KDM3A: variants seen among roughly 807,000 people sequenced by gnomAD.
KDM3A encodes the protein lysine demethylase 3A.
A neutral mutation model predicts 158.0 loss-of-function variants in KDM3A; 60 were observed. The observed-to-expected ratio is 0.38, with a 90% CI of 0.31 to 0.47. KDM3A has a LOEUF of 0.47. Ranked by LOEUF, KDM3A falls within the 20% of genes least tolerant of loss-of-function variation. The pLI, the probability that KDM3A is intolerant of heterozygous loss-of-function variation, is 0.99. For missense variants in KDM3A, 1,319 were observed against 1,574.3 expected, an observed-to-expected ratio of 0.84 and a Z score of 2.74; for synonymous variants, 608 against 549.3, an observed-to-expected ratio of 1.11 and a Z score of -1.49.
intron 12 of KDM3A, among the ~76,000 whole-genome samples, chr2:86,477,606 T>G (rs1673718395): frequency 6.6e-6 from 1 of 152,078 alleles, no homozygotes; most frequent in South Asian, 2.1e-4. Flanking sequence ...GGGATTCTGC[T>G]TGGAGTTCAT....
At chr2:86,451,055 ATT>A in intron 3 of KDM3A, 46 bp from the exon 4 acceptor site, 1 of 1,286,972 alleles carries the variant, frequency 7.8e-7, no homozygotes, top group Non-Finnish European at 1.1e-6. Flanking sequence ...TATTTTCAGA[ATT>A]ATGCTGACAG....
In KDM3A at chr2:86,483,997, T is replaced by C. The variant is rs1450500738; in HGVS notation, c.2933T>C (p.Val978Ala). ...CTTCTCTTCATTTAGCCAGTGATGGTGTCTGGAGTGCATCATAAATTGAAC... is the reference window on the plus strand; with the variant it reads ...CTTCTCTTCATTTAGCCAGTGATGGCGTCTGGAGTGCATCATAAATTGAAC... Reference protein sequence around the residue: ...ECWKQGQPVMVSGVHHKLNSE... With the variant: ...ECWKQGQPVMASGVHHKLNSE... The change falls in exon 19 of 26, where the codon GTG becomes GCG. Residue 978 changes from valine (V) to alanine (A), a missense_variant. Val to Ala is a moderately conservative substitution (Grantham distance 64). Transcript: ENST00000312912. 3.7e-6 allele frequency: 6 copies of C among 1,612,596 alleles called. No homozygotes were observed. Among genetic ancestry groups the C allele is most frequent in the Non-Finnish European group, 5.1e-6 (6 of 1,179,268 alleles).
At chr2:86,463,992 C>G in intron 8 of KDM3A, 61 bp from the exon 9 acceptor site, 1 of 1,227,130 alleles carries the variant, frequency 8.1e-7, no homozygotes, top group Non-Finnish European at 1.1e-6. Flanking sequence ...AATTTGGTAG[C>G]ATTTTATTAT....
intron 8 of KDM3A, 145 bp from the exon 9 acceptor site, chr2:86,463,908 A>C (rs1408169013): frequency 9.8e-6 from 5 of 512,640 alleles, no homozygotes; most frequent in African/African-American, 4.0e-5. Flanking sequence ...ATAGTTTATC[A>C]CTTGTTTCAC....
rs145953450 is a variant in KDM3A, at chr2:86,489,420, A to T, written c.3416A>T (p.Gln1139Leu). Residue 1139 changes from glutamine (Q) to leucine (L), a missense_variant, in exon 22 of 26, where the codon CAG becomes CTG. Around this residue, in one of 4 missense-constraint regions of KDM3A, gnomAD observed 186 missense variants for 340.9 expected, o/e 0.55. Coordinates refer to ENST00000312912, the MANE Select transcript of KDM3A (RefSeq NM_018433.6). ...GTCTATGTGGGAATTCCCAAAGGACAGTGTGAGCAAGAAGAAGGTAGGGTG... is the reference window on the plus strand; with the variant it reads ...GTCTATGTGGGAATTCCCAAAGGACTGTGTGAGCAAGAAGAAGGTAGGGTG... ...VMVYVGIPKG[Q>L]CEQEEEVLKT... The T allele has an allele frequency of 6.2e-7, 1 of 1,613,892 alleles. No homozygotes were observed. The highest frequency in any genetic ancestry group is 1.3e-5 in the African/African-American group (1 of 74,936).
At chr2:86,454,570 G>A (rs1168009086) in intron 4 of KDM3A, among the ~76,000 whole-genome samples, 1 of 152,044 alleles carries the variant, frequency 6.6e-6, no homozygotes, top group African/African-American at 2.4e-5. Flanking sequence ...CCTGCTAGTA[G>A]GTTACACAGT....
chr2:86,479,962 T>A (rs1017653699), intron 15 of KDM3A: 2 of 582,960 alleles, frequency 3.4e-6, no homozygotes, highest in African/African-American at 1.9e-5. Context: ...TTGCTGTGTT[T>A]AAGTTGCTGA....
At chr2:86,487,452 G>A (rs1206060818) in intron 21 of KDM3A, 2 of 152,178 alleles carry the variant, frequency 1.3e-5, no homozygotes, top group African/African-American at 4.8e-5. Context: ...AAGGCTCTTT[G>A]GAGAGATCAT....
At chr2:86,491,369 A>G (rs995057463) in intron 25 of KDM3A, 94 bp downstream of exon 25, 2 of 1,308,982 alleles carry the variant, frequency 1.5e-6, no homozygotes, top group Admixed American at 1.8e-5. Context: ...GAACTTGGCC[A>G]TATCGTACTT....
intron 8 of KDM3A, 27 bp downstream of exon 8, chr2:86,457,098 A>T: frequency 8.6e-7 from 1 of 1,163,184 alleles, no homozygotes; most frequent in Non-Finnish European, 1.2e-6. Context: ...TCACTTGTGT[A>T]AAGCTTTCCT....
chr2:86,463,887 C>T (rs1673025328), intron 8 of KDM3A, among the ~76,000 whole-genome samples, 166 bp from the exon 9 acceptor site: 1 of 152,122 alleles, frequency 6.6e-6, no homozygotes, highest in African/African-American at 2.4e-5. Context: ...AGTCTTAAAG[C>T]CCTGAATTGT....
Position 86,489,345 on chromosome 2 carries a change from A to G in KDM3A, c.3341A>G (p.Tyr1114Cys), listed in dbSNP as rs753981180. The change falls in exon 22 of 26, where the codon TAT (tyrosine) becomes TGT (cysteine). Residue 1114 changes from tyrosine (Y) to cysteine (C), a missense_variant. This residue lies in a region of KDM3A where 186 missense variants were observed against 340.9 expected (regional missense o/e 0.55). Transcript: ENST00000312912. ...YGLITPEDRK[Y>C]GTTNLHLDVS... ...TTAATCACTCCTGAAGATCGGAAAT[A>G]TGGAACAACAAATCTTCACTTAGAT... is the stretch of plus-strand genomic sequence containing the variant. 3 of 1,613,980 alleles carry G rather than the reference A, an allele frequency of 1.9e-6. 1 individual carries two copies. The highest frequency in any genetic ancestry group is 2.7e-5 in the African/African-American group (2 of 75,018).
At chr2:86,444,602 G>A (rs1682879309) in intron 2 of KDM3A, among the ~76,000 whole-genome samples, 1 of 145,984 alleles carries the variant, frequency 6.9e-6, no homozygotes, top group Admixed American at 7.2e-5. Flanking sequence ...CAGGAACCAA[G>A]TAACTAAGAC....
intron 8 of KDM3A, among the ~76,000 whole-genome samples, chr2:86,462,690 C>G (rs1672977059): frequency 6.6e-6 from 1 of 152,142 alleles, no homozygotes; most frequent in South Asian, 2.1e-4. Flanking sequence ...TCTTATTTTT[C>G]AGATATATCT....
At position 86,482,708 on chromosome 2, in the gene KDM3A, C is replaced by T. The variant is rs1673996121; in HGVS notation, c.2922+14C>T. 1.9e-6 allele frequency: 3 copies of T among 1,612,288 alleles called. No homozygotes were observed. Among genetic ancestry groups the T allele is most frequent in the Admixed American group, 1.7e-5 (1 of 59,998 alleles). On this transcript the variant is annotated intron_variant, in intron 18 of 25. Transcript: ENST00000312912. ...AAACAAGGGCAGGTAATGTAGGCCT[C>T]CCATCCTCCTGCCCTATTCAGAACC...
chr2:86,453,312 G>A (rs1415172152), intron 4 of KDM3A, among the ~76,000 whole-genome samples: 3 of 152,110 alleles, frequency 2.0e-5, no homozygotes, highest in African/African-American at 7.2e-5. Flanking sequence ...GAATTATCTT[G>A]TAGATATGGG....
intron 2 of KDM3A, among the ~76,000 whole-genome samples, chr2:86,445,292 G>A (rs1309964428): frequency 6.6e-6 from 1 of 152,020 alleles, no homozygotes; most frequent in African/African-American, 2.4e-5. Flanking sequence ...CTACTGATGA[G>A]GCAGTAGCAT....
chr2:86,477,076 C>T (rs1673690077), intron 12 of KDM3A, among the ~76,000 whole-genome samples: 1 of 152,214 alleles, frequency 6.6e-6, no homozygotes, highest in Non-Finnish European at 1.5e-5. Context: ...ATTTGGCACT[C>T]CTCCATCTAG....
chr2:86,455,105 T>C lies in KDM3A; in HGVS notation c.474T>C (p.Leu158=). 6.3e-7 allele frequency: 1 copy of C among 1,595,966 alleles called. No individual in the cohort carries two copies. Among genetic ancestry groups the C allele is most frequent in the Non-Finnish European group, 8.5e-7 (1 of 1,171,762 alleles). Residue 158 remains leucine, a synonymous_variant, in exon 5 of 26, where the codon CTT becomes CTC. Coordinates refer to ENST00000312912, the MANE Select transcript of KDM3A (RefSeq NM_018433.6). ...KPIQDVNSLR[L]SLTDNQIVSK... is the part of the protein sequence containing the mutation. ...TTCAGGATGTAAACAGTCTTCGACT[T>C]TCTCTTACGGATAATCAGATTGTCA...
Sources: gnomAD v4.1 joint callset for allele counts (sites outside exome capture counted in the v4.1 genomes callset) on GRCh38, gnomAD v4.1.1 for gene constraint, gnomAD v4.1.1 regional missense constraint, MANE v1.5 for transcripts, NCBI Gene and HGNC (gene_info 2026-07-23, HGNC 2026-07-21) for gene names.